KCNMA1: variants seen among roughly 807,000 people sequenced by gnomAD.
KCNMA1 encodes Calcium-activated potassium channel subunit alpha-1.
A neutral mutation model predicts 140.0 loss-of-function variants in KCNMA1; 29 were observed. The observed-to-expected ratio is 0.21, with a 90% CI of 0.15 to 0.28. KCNMA1 has a LOEUF of 0.28. KCNMA1 is among the 10% of genes least tolerant of loss of function. The pLI is 1.00. For synonymous variants in KCNMA1, 612 were observed against 611.9 expected, an observed-to-expected ratio of 1.00 and a Z score of 0.00; for missense variants, 880 against 1,602.2, an observed-to-expected ratio of 0.55 and a Z score of 7.70.
chr10:77,539,285 G>T (rs1290966851), intron 1 of KCNMA1, among the ~76,000 whole-genome samples: 1 of 152,228 alleles, frequency 6.6e-6, no homozygotes. Flanking sequence ...AAGCACCTAA[G>T]TCAGGTTGCT....
chr10:77,049,142 C>A (rs1378442711), intron 14 of KCNMA1, among the ~76,000 whole-genome samples: 4 of 152,164 alleles, frequency 2.6e-5, no homozygotes, highest in African/African-American at 9.7e-5. Flanking sequence ...CTAAAAACTT[C>A]CTCTCCTGAC....
intron 2 of KCNMA1, among the ~76,000 whole-genome samples, chr10:77,371,509 G>A (rs2094713800): frequency 6.6e-6 from 1 of 152,114 alleles, no homozygotes; most frequent in Admixed American, 6.5e-5. Context: ...AAAAAATCTG[G>A]AGATTTCACA....
At chr10:77,063,918 G>C (rs938249391) in intron 14 of KCNMA1, 21 of 984,910 alleles carry the variant, frequency 2.1e-5, no homozygotes, top group Non-Finnish European at 2.4e-5. Flanking sequence ...CAATAAGATG[G>C]CTCTTATTTC....
Position 77,637,620 on chromosome 10 carries a change from C to G in KCNMA1, c.23G>C (p.Gly8Ala). The change falls in exon 1 of 28, where the codon GGC (glycine) becomes GCC (alanine). Residue 8 changes from glycine to alanine, a missense_variant. Gly to Ala is a moderately conservative substitution (Grantham distance 60, BLOSUM62 0). This residue lies in a region of KCNMA1 where 94 missense variants were observed against 92.4 expected (regional missense o/e 1.02). Transcript: ENST00000286628. ...GCCGCCGCCGCCGCTGCTGCCGCCG[C>G]CGCCGCCGCCACCATTTGCCATAGC... MANGGGG[G>A]GGSSGGGGGG... 1 of 1,524,436 alleles carries G rather than the reference C, an allele frequency of 6.6e-7. No individual in the cohort carries two copies. Among genetic ancestry groups the G allele is most frequent in the Non-Finnish European group, 8.8e-7 (1 of 1,140,762 alleles). 94.4% of individuals were successfully genotyped at this position (1,524,436 alleles called of 1,614,324 possible). A position where few individuals can be genotyped will look rare whatever the true frequency, so the allele number is the denominator to read the frequency against.
At chr10:77,376,215 C>T (rs960113635) in intron 2 of KCNMA1, among the ~76,000 whole-genome samples, 4 of 152,166 alleles carry the variant, frequency 2.6e-5, no homozygotes, top group Non-Finnish European at 5.9e-5. Context: ...CCGTGTCCCA[C>T]TCAGGAAAAT....
Position 76,944,774 on chromosome 10 carries a change from T to C in KCNMA1, c.2901A>G (p.Gln967=). 2 of 1,613,910 alleles carry C rather than the reference T, an allele frequency of 1.2e-6. No homozygotes were observed. The highest frequency in any genetic ancestry group is 1.7e-6 in the Non-Finnish European group (2 of 1,179,818). The part of the protein sequence containing the change: ...DSIGVLQANS[Q]GFTPPGMDRS... The stretch of plus-strand genomic sequence containing the variant: ...AGAAGTATTACAGGCTGTCCTTACC[T>C]TGGGAATTAGCCTGCAAGACTCCGA... Residue 967 remains glutamine, a splice_region_variant and synonymous_variant, in exon 23 of 28, where the codon CAA becomes CAG. Transcript: ENST00000286628.
intron 1 of KCNMA1, among the ~76,000 whole-genome samples, chr10:77,583,537 CTGAAATCTGAG>C (rs1227104818): frequency 6.6e-6 from 1 of 152,200 alleles, no homozygotes; most frequent in East Asian, 1.9e-4. Flanking sequence ...TTTCTAAGAT[CTGAAATCTGAG>C]TAATACAACA....
intron 2 of KCNMA1, among the ~76,000 whole-genome samples, chr10:77,397,668 A>C (rs936523170): frequency 6.6e-6 from 1 of 152,206 alleles, no homozygotes; most frequent in African/African-American, 2.4e-5. Context: ...TGTCACATGG[A>C]TATTTTGCAC....
chr10:77,577,684 A>T (rs998652895), intron 1 of KCNMA1, among the ~76,000 whole-genome samples: 1 of 152,232 alleles, frequency 6.6e-6, no homozygotes, highest in African/African-American at 2.4e-5. Flanking sequence ...TCCATTGTGC[A>T]GATGGGAAAA....
At chr10:76,919,981 A>ATT (rs1282522003) in intron 23 of KCNMA1, among the ~76,000 whole-genome samples, 2 of 100,436 alleles carry the variant, frequency 2.0e-5, no homozygotes, top group African/African-American at 4.0e-5. Context: ...GGCAATGAGC[A>ATT]TTGTGTGTGT....
chr10:77,628,235 T>A (rs2092777300), intron 1 of KCNMA1, among the ~76,000 whole-genome samples: 1 of 152,226 alleles, frequency 6.6e-6, no homozygotes, highest in South Asian at 2.1e-4. Context: ...AATAGTTTCG[T>A]ACAGTTAGAA....
chr10:77,153,649 A>ACCATG (rs1276468182), intron 5 of KCNMA1, among the ~76,000 whole-genome samples: 1 of 152,244 alleles, frequency 6.6e-6, no homozygotes, highest in Non-Finnish European at 1.5e-5. Context: ...GGCATGAGCC[A>ACCATG]CCATGCCCAG....
At chr10:77,107,052 C>CAG (rs991695352) in intron 9 of KCNMA1, among the ~76,000 whole-genome samples, 3 of 152,170 alleles carry the variant, frequency 2.0e-5, no homozygotes, top group Non-Finnish European at 4.4e-5. Context: ...ATTTCCTGTG[C>CAG]AGAGGCCTGG....
chr10:76,915,089 A>G, intron 23 of KCNMA1, 40 bp from the exon 24 acceptor site: 1 of 1,482,330 alleles, frequency 6.7e-7, no homozygotes. Flanking sequence ...AAATCAGAGA[A>G]GTAGAAAATT....
intron 5 of KCNMA1, among the ~76,000 whole-genome samples, chr10:77,122,507 A>G (rs1243239879): frequency 6.6e-6 from 1 of 152,144 alleles, no homozygotes; most frequent in African/African-American, 2.4e-5. Context: ...GGCGCAGAGT[A>G]CAAAACTAAG....
intron 2 of KCNMA1, among the ~76,000 whole-genome samples, chr10:77,385,755 C>T (rs1189062674): frequency 1.3e-5 from 2 of 152,150 alleles, no homozygotes; most frequent in Non-Finnish European, 2.9e-5. Flanking sequence ...GGGGCCCTGA[C>T]CATTTGCTTG....
At chr10:77,241,763 T>C (rs2057333980) in intron 3 of KCNMA1, among the ~76,000 whole-genome samples, 1 of 152,178 alleles carries the variant, frequency 6.6e-6, no homozygotes, top group Admixed American at 6.5e-5. Flanking sequence ...CAGTGAGCTA[T>C]GATCATGTCA....
At chr10:77,047,796 C>G (rs1424274134) in intron 14 of KCNMA1, among the ~76,000 whole-genome samples, 3 of 151,988 alleles carry the variant, frequency 2.0e-5, no homozygotes, top group Non-Finnish European at 4.4e-5. Flanking sequence ...CTTAAAAATA[C>G]CACTGAAAAT....
At chr10:77,481,125 A>T (rs2098388309) in intron 1 of KCNMA1, among the ~76,000 whole-genome samples, 1 of 151,906 alleles carries the variant, frequency 6.6e-6, no homozygotes, top group African/African-American at 2.4e-5. Context: ...CTCAAAAAAA[A>T]AAAAAAGATA....
Sources: gnomAD v4.1 joint callset for allele counts (sites outside exome capture counted in the v4.1 genomes callset) on GRCh38, gnomAD v4.1.1 for gene constraint, gnomAD v4.1.1 regional missense constraint, MANE v1.5 for transcripts, NCBI Gene and HGNC (gene_info 2026-07-23, HGNC 2026-07-21) for gene names.